The following CYP2B6 variants were observed in gnomAD, a reference collection of about 807,000 sequenced individuals.
The protein encoded by CYP2B6 is cytochrome P450 family 2 subfamily B member 6.
In CYP2B6, 35 loss-of-function variants were observed where a neutral mutation model predicts 43.4. The ratio of observed to expected loss-of-function variants is 0.81; its 90% CI spans 0.62 to 1.07. The LOEUF is 1.07. CYP2B6 is among the 50% of genes least tolerant of loss of function. CYP2B6 has a pLI of 0.00. For missense variants in CYP2B6, 624 were observed against 632.8 expected, an observed-to-expected ratio of 0.99 and a Z score of 0.15; for synonymous variants, 239 against 239.2, an observed-to-expected ratio of 1.00 and a Z score of 0.01.
intron 1 of CYP2B6, among the ~76,000 whole-genome samples, chr19:40,997,251 G>A (rs190474758): frequency 6.6e-6 from 1 of 151,876 alleles, no homozygotes; most frequent in Admixed American, 6.6e-5. Flanking sequence ...ACCGGTAACT[G>A]CCACTGGCTC....
chr19:41,011,177 C>T (rs1969278023), intron 6 of CYP2B6, among the ~76,000 whole-genome samples: 1 of 152,190 alleles, frequency 6.6e-6, no homozygotes, highest in African/African-American at 2.4e-5. Flanking sequence ...TCACTCTTAT[C>T]CTTCCATGAG....
chr19:41,010,445 G>A (rs143260622), intron 6 of CYP2B6, among the ~76,000 whole-genome samples: 4 of 144,740 alleles, frequency 2.8e-5, no homozygotes, highest in Non-Finnish European at 4.5e-5. Flanking sequence ...ACAGAGTCTC[G>A]CTCTGTCACC....
intron 7 of CYP2B6, 30 bp from the exon 8 acceptor site, chr19:41,012,644 A>T: frequency 6.2e-7 from 1 of 1,613,482 alleles, no homozygotes. Flanking sequence ...GGGAATGGCA[A>T]TATCTTTTGA....
chr19:41,017,819 T>C lies in CYP2B6; in HGVS notation c.*992T>C, dbSNP rs1014800300. The C allele has an allele frequency of 1.3e-5, 2 of 151,952 alleles. No homozygotes were observed. Among genetic ancestry groups the C allele is most frequent in the Admixed American group, 1.3e-4 (2 of 15,220 alleles). 9.4% of individuals were successfully genotyped at this position (151,952 alleles called of 1,614,324 possible). A position where few individuals can be genotyped will look rare whatever the true frequency, so the allele number is the denominator to read the frequency against. On this transcript the variant is annotated 3_prime_UTR_variant, in exon 9 of 9. Coordinates refer to ENST00000324071, the MANE Select transcript of CYP2B6 (RefSeq NM_000767.5). ...TTTGTCACTATGGACTTACCAATTCTGAATATTTCCCATAAACAGAATCAT... is the reference window on the plus strand; with the variant it reads ...TTTGTCACTATGGACTTACCAATTCCGAATATTTCCCATAAACAGAATCAT...
rs188509697 is a variant in CYP2B6, at chr19:40,997,243, C to T, written c.171+5767C>T. 1.8e-3 allele frequency among the ~76,000 whole-genome samples: 274 copies of T among 151,986 alleles called. 2 individuals carry two copies. The highest frequency in any genetic ancestry group is 6.0e-3 in the African/African-American group (250 of 41,364). On this transcript the variant is annotated intron_variant, in intron 1 of 8. Transcript: ENST00000324071. Reference sequence around the variant, plus strand: ...CAACAGTACACATAGTGCCCTATACCGGTAACTGCCACTGGCTCAGTATTT... The same window carrying T: ...CAACAGTACACATAGTGCCCTATACTGGTAACTGCCACTGGCTCAGTATTT...
At chr19:40,996,362 G>T (rs577680587) in intron 1 of CYP2B6, among the ~76,000 whole-genome samples, 1 of 152,116 alleles carries the variant, frequency 6.6e-6, no homozygotes, top group African/African-American at 2.4e-5. Context: ...TCACTGGAGA[G>T]TTCTCCAGGA....
At chr19:40,991,878 T>C (rs1968924621) in intron 1 of CYP2B6, among the ~76,000 whole-genome samples, 1 of 152,168 alleles carries the variant, frequency 6.6e-6, no homozygotes, top group South Asian at 2.1e-4. Context: ...GCTGCTCTGA[T>C]TAGCCAACAC....
intron 1 of CYP2B6, among the ~76,000 whole-genome samples, chr19:40,998,172 C>T (rs16974799): frequency 0.3 from 45,163 of 151,860 alleles, 7,233 homozygotes; most frequent in South Asian, 0.4. Flanking sequence ...AAATGCTGGT[C>T]AAAGACATCC....
chr19:41,013,436 G>A (rs1250915532), intron 8 of CYP2B6, among the ~76,000 whole-genome samples: 2 of 152,198 alleles, frequency 1.3e-5, no homozygotes, highest in Non-Finnish European at 2.9e-5. Context: ...TGGCTTCCAA[G>A]CTAACATGTT....
At chr19:41,008,872 G>A (rs1347527691) in intron 4 of CYP2B6, among the ~76,000 whole-genome samples, 1 of 151,966 alleles carries the variant, frequency 6.6e-6, no homozygotes, top group Admixed American at 6.6e-5. Context: ...GAGGAGAGGT[G>A]GGAAGAGGGA....
chr19:41,008,440 T>C (rs1969228841), intron 4 of CYP2B6, among the ~76,000 whole-genome samples: 2 of 133,568 alleles, frequency 1.5e-5, no homozygotes, highest in African/African-American at 3.0e-5. Context: ...TCAACATAGC[T>C]ACAGCTATTA....
intron 1 of CYP2B6, 101 bp from the exon 2 acceptor site, chr19:41,003,900 G>A: frequency 1.3e-6 from 2 of 1,508,780 alleles, no homozygotes; most frequent in South Asian, 2.3e-5. Flanking sequence ...CGGATGTTGG[G>A]GAGGGGCTAA....
intron 8 of CYP2B6, among the ~76,000 whole-genome samples, chr19:41,014,349 A>T (rs1969328863): frequency 6.6e-6 from 1 of 150,472 alleles, no homozygotes; most frequent in Non-Finnish European, 1.5e-5. Flanking sequence ...TGTGTTGCCC[A>T]GGCTGGAGTG....
At chr19:40,999,287 A>T (rs1175348004) in intron 1 of CYP2B6, among the ~76,000 whole-genome samples, 1 of 151,776 alleles carries the variant, frequency 6.6e-6, no homozygotes, top group Non-Finnish European at 1.5e-5. Context: ...TTTCTTGTAA[A>T]TTTGTTTGAG....
rs755526681 is a variant in CYP2B6, at chr19:41,007,814, C to T, written c.645+749C>T. On this transcript the variant is annotated intron_variant, in intron 4 of 8. Transcript: ENST00000324071. The stretch of plus-strand genomic sequence containing the variant: ...AATGTTTTTGTATTTTTAGTAGAGA[C>T]GGGGTTTCGCCATGTTGGCCAGGCT... 3.0e-4 allele frequency among the ~76,000 whole-genome samples: 45 copies of T among 152,020 alleles called. 2 individuals are homozygous for T. Among genetic ancestry groups the T allele is most frequent in the African/African-American group, 1.0e-3 (43 of 41,432 alleles).
At chr19:40,999,174 A>G (rs991723469) in intron 1 of CYP2B6, among the ~76,000 whole-genome samples, 3 of 152,138 alleles carry the variant, frequency 2.0e-5, no homozygotes, top group East Asian at 1.9e-4. Flanking sequence ...TCTGATGGCC[A>G]TTGATGTTGA....
At position 41,007,045 on chromosome 19, in the gene CYP2B6, A is replaced by G. The variant is rs144518874; in HGVS notation, c.625A>G (p.Ile209Val). ...CTTGTTCTACCAGACTTTTTCACTCATCAGCTCTGTATTCGGCCAGGTCAG... is the reference window on the plus strand; with the variant it reads ...CTTGTTCTACCAGACTTTTTCACTCGTCAGCTCTGTATTCGGCCAGGTCAG... ...LNLFYQTFSL[I>V]SSVFGQLFEL... Residue 209 changes from isoleucine (I) to valine (V), a missense_variant, in exon 4 of 9, where the codon ATC becomes GTC. Physicochemically the swap from Ile to Val is conservative, Grantham distance 29. Coordinates refer to ENST00000324071, the MANE Select transcript of CYP2B6 (RefSeq NM_000767.5). 2.2e-4 allele frequency: 348 copies of G among 1,613,978 alleles called. No homozygotes were observed. In the African/African-American group the frequency reaches 3.9e-3, roughly 18 times the overall value.
intron 1 of CYP2B6, among the ~76,000 whole-genome samples, chr19:41,003,516 A>C (rs1274751079): frequency 6.6e-6 from 1 of 152,168 alleles, no homozygotes; most frequent in East Asian, 1.9e-4. Context: ...AACTGCAAAA[A>C]GCAAAACCAC....
rs1454422519 is a variant in CYP2B6 at position 41,012,735 on chromosome 19, C to A, written c.1214C>A (p.Pro405Gln). ...CATGACCCACACTACTTTGAAAAAC[C>A]AGACGCCTTCAATCCTGACCACTTT... ...ALHDPHYFEKPDAFNPDHFLD... is the reference protein window; with the variant it reads ...ALHDPHYFEKQDAFNPDHFLD... Residue 405 changes from proline to glutamine, a missense_variant, in exon 8 of 9, where the codon CCA becomes CAA. Transcript: ENST00000324071. The A allele has an allele frequency of 6.2e-7, 1 of 1,614,096 alleles. No homozygotes were observed. Among genetic ancestry groups the A allele is most frequent in the Non-Finnish European group, 8.5e-7 (1 of 1,180,026 alleles).
Sources: allele counts gnomAD v4.1 joint callset (sites outside exome capture counted in the v4.1 genomes callset), GRCh38; gene constraint gnomAD v4.1.1; transcripts MANE v1.5; gene names NCBI Gene and HGNC (gene_info 2026-07-23, HGNC 2026-07-21).